Variants in DNER observed in about 807,000 individuals in gnomAD.
DNER encodes the protein delta and Notch-like epidermal growth factor-related receptor.
A neutral mutation model predicts 78.2 loss-of-function variants in DNER; 33 were observed. That is an observed-to-expected ratio of 0.42 (90% CI 0.32 to 0.56). The LOEUF (loss-of-function observed/expected upper bound fraction) is 0.56, where lower values mean the gene tolerates loss of function less well. DNER is among the 20% of genes least tolerant of loss of function. The pLI, the probability that DNER is intolerant of heterozygous loss-of-function variation, is 0.11. For synonymous variants in DNER, 417 were observed against 384.8 expected, an observed-to-expected ratio of 1.08 and a Z score of -0.98; for missense variants, 918 against 975.3, an observed-to-expected ratio of 0.94 and a Z score of 0.78.
chr2:229,466,871 T>C (rs529375511), intron 7 of DNER, among the ~76,000 whole-genome samples: 63 of 152,284 alleles, frequency 4.1e-4, no homozygotes, highest in African/African-American at 1.4e-3. Context: ...AAAAAGGGCA[T>C]TAATAAAGTG....
At chr2:229,611,187 T>C (rs115275570) in intron 1 of DNER, among the ~76,000 whole-genome samples, 1,941 of 152,362 alleles carry the variant, frequency 0.013, 39 homozygotes, top group African/African-American at 0.044. Context: ...AAGAATAAAG[T>C]AAATGTATTT....
rs1362532292 is a variant in DNER, at chr2:229,379,218, T to C, written c.1855+9047A>G. ...GTTAATCCTTCCTGGGAGTAGCTCA[T>C]AGCATAAGAGGTATAGTAGTACAGA... On this transcript the variant is annotated intron_variant, in intron 11 of 12. Coordinates refer to ENST00000341772, the MANE Select transcript of DNER (RefSeq NM_139072.4). Among the ~76,000 whole-genome samples the C allele has an allele frequency of 2.6e-5, 4 of 152,156 alleles. No individual in the cohort carries two copies. The East Asian group carries it at 7.7e-4, about 29-fold the overall frequency.
chr2:229,705,753 G>C (rs930034720), intron 1 of DNER, among the ~76,000 whole-genome samples: 2 of 152,216 alleles, frequency 1.3e-5, no homozygotes, highest in African/African-American at 4.8e-5. Flanking sequence ...TAGAGGGCCA[G>C]TTCTGTGCCA....
At chr2:229,400,375 C>T (rs1693241696) in intron 10 of DNER, among the ~76,000 whole-genome samples, 1 of 151,930 alleles carries the variant, frequency 6.6e-6, no homozygotes, top group African/African-American at 2.4e-5. Flanking sequence ...CCAGTAAAAA[C>T]AAGCACAGCT....
At position 229,539,456 on chromosome 2, in the gene DNER, T is replaced by C. The variant is rs542811605; in HGVS notation, c.993+7491A>G. Among the ~76,000 whole-genome samples, 3 of 152,350 alleles carry C rather than the reference T, an allele frequency of 2.0e-5. No individual in the cohort carries two copies. In the East Asian group the frequency reaches 5.8e-4, roughly 29 times the overall value. ...GCTGCTTAAAATATTCCCAAAGGGT[T>C]ACTACAACTTTCTGGGTCACACAAT... On this transcript the variant is annotated intron_variant, in intron 5 of 12. Transcript: ENST00000341772.
chr2:229,700,628 A>G (rs1472930284), intron 1 of DNER, among the ~76,000 whole-genome samples: 3 of 152,110 alleles, frequency 2.0e-5, no homozygotes, highest in Non-Finnish European at 4.4e-5. Context: ...GTTTTAAGAT[A>G]TGGTGGCCAG....
chr2:229,385,182 A>G (rs1692836831), intron 11 of DNER, among the ~76,000 whole-genome samples: 1 of 152,146 alleles, frequency 6.6e-6, no homozygotes, highest in Non-Finnish European at 1.5e-5. Flanking sequence ...ATACAAATCA[A>G]TAAATGCAAT....
At chr2:229,608,322 A>C (rs1697979097) in intron 1 of DNER, among the ~76,000 whole-genome samples, 1 of 152,186 alleles carries the variant, frequency 6.6e-6, no homozygotes, top group South Asian at 2.1e-4. Context: ...CCATTGTCCA[A>C]AGCTGCTTTC....
intron 6 of DNER, among the ~76,000 whole-genome samples, chr2:229,480,017 A>T (rs1327331356): frequency 6.6e-6 from 1 of 152,226 alleles, no homozygotes; most frequent in Admixed American, 6.5e-5. Flanking sequence ...ACCCACAGCC[A>T]GCAGCCAATT....
At chr2:229,534,782 T>G (rs1696372004) in intron 5 of DNER, among the ~76,000 whole-genome samples, 3 of 152,236 alleles carry the variant, frequency 2.0e-5, no homozygotes, top group African/African-American at 7.2e-5. Flanking sequence ...TATTATTATG[T>G]TAACAGGTGA....
At chr2:229,540,766 C>G (rs188169504) in intron 5 of DNER, among the ~76,000 whole-genome samples, 1 of 152,174 alleles carries the variant, frequency 6.6e-6, no homozygotes, top group South Asian at 2.1e-4. Flanking sequence ...CAGAGATAGG[C>G]CCACCCCTGG....
At chr2:229,554,941 AAAGGGAAGGGAAGGGAAGGGAAGGG>A (rs71045716) in intron 4 of DNER, among the ~76,000 whole-genome samples, 538 of 25,566 alleles carry the variant, frequency 0.021, 20 homozygotes, top group African/African-American at 0.067. Context: ...AGAAGAGAGA[AAAGGGAAGGGAAGGGAAGGGAAGGG>A]AAGGGAAGGG....
At chr2:229,476,375 G>C (rs1695037311) in intron 7 of DNER, among the ~76,000 whole-genome samples, 1 of 152,132 alleles carries the variant, frequency 6.6e-6, no homozygotes, top group African/African-American at 2.4e-5. Context: ...TCAGCCTTAG[G>C]TAATCTAAGG....
intron 1 of DNER, among the ~76,000 whole-genome samples, chr2:229,703,778 G>A (rs917488939): frequency 6.6e-6 from 1 of 152,104 alleles, no homozygotes; most frequent in Non-Finnish European, 1.5e-5. Flanking sequence ...TCAGGAGGCT[G>A]AGGTGGGAGG....
At chr2:229,600,128 A>T (rs1697800249) in intron 1 of DNER, among the ~76,000 whole-genome samples, 1 of 152,242 alleles carries the variant, frequency 6.6e-6, no homozygotes, top group Admixed American at 6.5e-5. Flanking sequence ...CCTGGCCCCA[A>T]AACCAAAATT....
At chr2:229,636,836 A>T (rs541424637) in intron 1 of DNER, among the ~76,000 whole-genome samples, 16 of 152,240 alleles carry the variant, frequency 1.1e-4, no homozygotes, top group Admixed American at 7.2e-4. Flanking sequence ...TGGCCATACA[A>T]ACCTCCCTGA....
intron 6 of DNER, among the ~76,000 whole-genome samples, chr2:229,497,256 A>C (rs1695519284): frequency 2.0e-5 from 3 of 152,184 alleles, no homozygotes; most frequent in Non-Finnish European, 4.4e-5. Flanking sequence ...GAAACAAACA[A>C]AAATGGAAAC....
In DNER at chr2:229,384,559, T is replaced by C. The variant is rs188833046; in HGVS notation, c.1855+3706A>G. 6.0e-3 allele frequency among the ~76,000 whole-genome samples: 907 copies of C among 152,086 alleles called. 10 individuals carry two copies. Among genetic ancestry groups the C allele is most frequent in the Non-Finnish European group, 8.0e-3 (543 of 67,972 alleles). ...AGAGAGAAGAATCAGATAGACACAA[T>C]AAAAATTGATAAAGGGGATATCACC... On this transcript the variant is annotated intron_variant, in intron 11 of 12. Transcript: ENST00000341772.
intron 8 of DNER, among the ~76,000 whole-genome samples, chr2:229,444,814 G>A (rs1475063477): frequency 2.0e-5 from 3 of 152,022 alleles, no homozygotes; most frequent in East Asian, 1.9e-4. Flanking sequence ...GCTTGAACCC[G>A]GGAGGCAGAG....
Sources: gnomAD v4.1 joint callset for allele counts (sites outside exome capture counted in the v4.1 genomes callset) on GRCh38, gnomAD v4.1.1 for gene constraint, MANE v1.5 for transcripts, NCBI Gene and HGNC (gene_info 2026-07-23, HGNC 2026-07-21) for gene names.